The following PAK6 variants were observed in gnomAD, a reference collection of about 807,000 sequenced individuals.
The protein encoded by PAK6 is p21 (RAC1) activated kinase 6.
A neutral mutation model predicts 60.8 loss-of-function variants in PAK6; 33 were observed. That is an observed-to-expected ratio of 0.54 (90% CI 0.41 to 0.73). The LOEUF (loss-of-function observed/expected upper bound fraction) is 0.73. Ranked by LOEUF, PAK6 falls within the 30% of genes least tolerant of loss-of-function variation. PAK6 has a pLI of 0.00. For missense variants in PAK6, 845 were observed against 904.1 expected (o/e 0.93, Z 0.84); for synonymous variants, 404 against 378.5 (o/e 1.07, Z -0.78).
chr15:40,250,349 A>G (rs1239314843), intron 2 of PAK6, among the ~76,000 whole-genome samples: 1 of 152,178 alleles, frequency 6.6e-6, no homozygotes, highest in African/African-American at 2.4e-5. Context: ...CATGTAGACG[A>G]GACTGGAAGT....
intron 2 of PAK6, chr15:40,252,607 C>A: frequency 7.4e-7 from 1 of 1,349,582 alleles, no homozygotes; most frequent in Non-Finnish European, 9.8e-7. Flanking sequence ...CCCTCCTCGG[C>A]GTTCCCGCGC....
intron 3 of PAK6, among the ~76,000 whole-genome samples, chr15:40,260,694 G>C (rs575417895): frequency 6.6e-6 from 1 of 152,104 alleles, no homozygotes; most frequent in Non-Finnish European, 1.5e-5. Context: ...CTGGGATTTT[G>C]TTTGAGATTT....
exon 11 of PAK6, chr15:40,276,233 G>A (rs2039452367): frequency 1.2e-6 from 1 of 849,560 alleles, no homozygotes; most frequent in African/African-American, 1.7e-5. Flanking sequence ...CCCACCCTCT[G>A]CCCTTCAGCC....
exon 11 of PAK6, chr15:40,277,306 C>T (rs887890232): frequency 3.9e-5 from 6 of 152,434 alleles, no homozygotes; most frequent in Non-Finnish European, 7.3e-5. Flanking sequence ...TGTCTGGACC[C>T]TTTCTATCTA....
chr15:40,244,409 T>A (rs1322227355), intron 2 of PAK6, among the ~76,000 whole-genome samples: 13 of 151,478 alleles, frequency 8.6e-5, no homozygotes, highest in Non-Finnish European at 1.9e-4. Flanking sequence ...TTTTATTTTT[T>A]TTTTTGAGAC....
At chr15:40,252,235 A>G (rs2038689519) in intron 2 of PAK6, 3 of 1,186,980 alleles carry the variant, frequency 2.5e-6, no homozygotes, top group South Asian at 3.1e-5. Context: ...GCGGCTCTGG[A>G]GCGTGCATCT....
intron 9 of PAK6, 66 bp from the exon 10 acceptor site, chr15:40,274,076 C>T: frequency 6.3e-7 from 1 of 1,584,450 alleles, no homozygotes; most frequent in Middle Eastern, 1.7e-4. Flanking sequence ...CCACTGCTGC[C>T]ACCAGAACGC....
intron 6 of PAK6, 45 bp from the exon 7 acceptor site, chr15:40,272,821 C>T (rs778894276): frequency 4.0e-5 from 64 of 1,603,456 alleles, no homozygotes; most frequent in Middle Eastern, 1.7e-4. Flanking sequence ...GGTGGCCATG[C>T]GTCTGGGCAC....
chr15:40,248,457 G>C (rs1037499623), intron 2 of PAK6, among the ~76,000 whole-genome samples: 2 of 152,212 alleles, frequency 1.3e-5, no homozygotes, highest in African/African-American at 4.8e-5. Flanking sequence ...GGCTCCTCCT[G>C]CCAAGCATCC....
intron 2 of PAK6, among the ~76,000 whole-genome samples, chr15:40,242,835 T>C (rs2038394612): frequency 6.6e-6 from 1 of 152,158 alleles, no homozygotes; most frequent in South Asian, 2.1e-4. Flanking sequence ...AGGCAGCACC[T>C]TGTTCTGGCG....
chr15:40,261,978 T>C (rs2038996432), intron 3 of PAK6, among the ~76,000 whole-genome samples: 1 of 144,086 alleles, frequency 6.9e-6, no homozygotes, highest in African/African-American at 2.6e-5. Flanking sequence ...AAAGATGCTC[T>C]CCCTGTGCAT....
At chr15:40,262,925 A>T (rs976656031) in intron 3 of PAK6, among the ~76,000 whole-genome samples, 9 of 152,158 alleles carry the variant, frequency 5.9e-5, no homozygotes, top group African/African-American at 2.2e-4. Flanking sequence ...TGCAACTCAC[A>T]CAGGTTGTTT....
At chr15:40,272,899 G>GTACATC in exon 7 of PAK6, 1 of 1,614,110 alleles carries the variant, frequency 6.2e-7, no homozygotes, top group Admixed American at 1.7e-5. Context: ...GCACTTCAAC[G>GTACATC]TGGTGGAGAT....
At chr15:40,272,126 C>G (rs995851558) in intron 5 of PAK6, 98 bp from the exon 6 acceptor site, 130 of 1,357,432 alleles carry the variant, frequency 9.6e-5, no homozygotes, top group Middle Eastern at 1.9e-4. Context: ...CCTGACCCTG[C>G]CAGAGTCCAG....
chr15:40,272,488 G>C lies in PAK6; in HGVS notation c.1123G>C (p.Gly375Arg), dbSNP rs1267730521. The change falls in exon 6 of 11, where the codon GGT becomes CGT. Residue 375 changes from glycine (G) to arginine (R), a missense_variant. By Grantham distance (125) the Gly-to-Arg change is moderately radical. Coordinates refer to ENST00000560346, the Ensembl canonical transcript of PAK6. ...GCCCCAGGACCCCACGGTTGCCAAG[G>C]GTGCCCTGGCTGGTGAGGACACAGG... 3.7e-6 allele frequency: 6 copies of C among 1,613,706 alleles called. No individual in the cohort carries two copies. The African/African-American group carries it at 5.3e-5, about 14-fold the overall frequency.
chr15:40,255,351 A>C (rs2038806669), intron 3 of PAK6, among the ~76,000 whole-genome samples: 1 of 152,224 alleles, frequency 6.6e-6, no homozygotes, highest in Admixed American at 6.5e-5. Context: ...CAGAGAGCCC[A>C]AACATTTTGG....
At chr15:40,275,959 G>A (rs771528493) in exon 11 of PAK6, 97 of 1,613,190 alleles carry the variant, frequency 6.0e-5, no homozygotes, top group Non-Finnish European at 8.1e-5. Context: ...TCCTGGAGCG[G>A]ATGCTGGTGC....
chr15:40,255,640 C>A (rs186881936), intron 3 of PAK6, among the ~76,000 whole-genome samples: 1 of 152,116 alleles, frequency 6.6e-6, no homozygotes, highest in Admixed American at 6.5e-5. Context: ...TGCTGGGGTG[C>A]CACCTCTCCT....
chr15:40,252,986 G>C, intron 2 of PAK6, 192 bp from the exon 3 acceptor site: 3 of 539,498 alleles, frequency 5.6e-6, no homozygotes, highest in Non-Finnish European at 8.3e-6. Flanking sequence ...CCCCGGAAGC[G>C]GTGCTGCGCC....
Sources: gnomAD v4.1 joint callset for allele counts (sites outside exome capture counted in the v4.1 genomes callset) on GRCh38, gnomAD v4.1.1 for gene constraint, MANE v1.5 for transcripts, NCBI Gene and HGNC (gene_info 2026-07-23, HGNC 2026-07-21) for gene names.